The following GRIK1 variants were observed in gnomAD, a reference collection of about 807,000 sequenced individuals.
GRIK1 encodes glutamate receptor ionotropic, kainate 1.
GRIK1 carries 69 observed loss-of-function variants against 105.7 expected under a neutral mutation model. That is an observed-to-expected ratio of 0.65 (90% confidence interval 0.54 to 0.80). GRIK1 has a LOEUF of 0.80. GRIK1 is among the 30% of genes least tolerant of loss of function. The probability of loss-of-function intolerance (pLI) is 0.00; values close to 1 mark genes in which losing one functional copy is unlikely to be tolerated. For missense variants in GRIK1, 1,109 were observed against 1,167.3 expected, an observed-to-expected ratio of 0.95 and a Z score of 0.73; for synonymous variants, 438 against 431.3, an observed-to-expected ratio of 1.02 and a Z score of -0.19.
chr21:29,812,118 G>T (rs538997913), intron 1 of GRIK1, among the ~76,000 whole-genome samples: 129 of 152,184 alleles, frequency 8.5e-4, no homozygotes, highest in African/African-American at 2.5e-3. Context: ...ATATATGTAC[G>T]TGTGTATAAT....
At chr21:29,839,569 G>A (rs540218730) in intron 1 of GRIK1, among the ~76,000 whole-genome samples, 1 of 152,300 alleles carries the variant, frequency 6.6e-6, no homozygotes, top group East Asian at 1.9e-4. Flanking sequence ...TTGGTAGCAT[G>A]TGTATGACTT....
At chr21:29,655,191 A>T (rs113135187) in intron 4 of GRIK1, among the ~76,000 whole-genome samples, 7,355 of 152,296 alleles carry the variant, frequency 0.048, 268 homozygotes, top group Non-Finnish European at 0.073. Flanking sequence ...GGTGGATCAC[A>T]TGAGGTCAGG....
chr21:29,778,321 G>T (rs2066001812), intron 1 of GRIK1, among the ~76,000 whole-genome samples: 2 of 152,200 alleles, frequency 1.3e-5, no homozygotes, highest in Admixed American at 6.5e-5. Context: ...AAGCCGATTT[G>T]TTGTTTTCTC....
intron 1 of GRIK1, among the ~76,000 whole-genome samples, chr21:29,901,916 C>A (rs376089272): frequency 6.6e-6 from 1 of 151,868 alleles, no homozygotes. Flanking sequence ...ACTGGCAAAC[C>A]AATCCAGCAG....
At position 29,642,981 on chromosome 21, in the gene GRIK1, AAC is replaced by A; in HGVS notation, c.955-14_955-13del. ...AGAGCCGCTTCAGTCTGTGGAGGAAAACACACACCGCATCTTAAATTCCACTT... is the reference window on the plus strand; with the variant it reads ...AGAGCCGCTTCAGTCTGTGGAGGAAAACACACCGCATCTTAAATTCCACTT... On this transcript the variant is annotated splice_polypyrimidine_tract_variant and intron_variant, in intron 6 of 17. Coordinates refer to ENST00000327783, the MANE Select transcript of GRIK1 (RefSeq NM_001330994.2). 6.2e-7 allele frequency: 1 copy of A among 1,609,966 alleles called. No homozygotes were observed. The highest frequency in any genetic ancestry group is 8.5e-7 in the Non-Finnish European group (1 of 1,177,438).
intron 16 of GRIK1, among the ~76,000 whole-genome samples, chr21:29,539,906 G>A (rs2089941353): frequency 6.6e-6 from 1 of 151,738 alleles, no homozygotes; most frequent in Non-Finnish European, 1.5e-5. Flanking sequence ...GCTTTCATGA[G>A]AAATCATCTA....
intron 1 of GRIK1, among the ~76,000 whole-genome samples, chr21:29,765,248 A>G (rs569247510): frequency 1.3e-5 from 2 of 152,202 alleles, no homozygotes; most frequent in South Asian, 4.1e-4. Context: ...AGTGTGCAGC[A>G]TTTTTGTCCC....
intron 9 of GRIK1, among the ~76,000 whole-genome samples, chr21:29,592,360 C>T (rs935258167): frequency 1.3e-5 from 2 of 152,166 alleles, no homozygotes; most frequent in Non-Finnish European, 2.9e-5. Flanking sequence ...TTCAGTAAAG[C>T]CCATTACTCT....
chr21:29,849,390 TTGA>T lies in GRIK1; in HGVS notation c.118+89990_118+89992del, dbSNP rs766980548. Reference sequence around the variant, plus strand: ...TTTCCTCTGCTAATAGCTTCCAAGGTTGATGATGAGATAAAATCAGTCGAGCAT... The same window carrying T: ...TTTCCTCTGCTAATAGCTTCCAAGGTTGATGAGATAAAATCAGTCGAGCAT... On this transcript the variant is annotated intron_variant, in intron 1 of 17. Transcript: ENST00000327783. 5.3e-5 allele frequency among the ~76,000 whole-genome samples: 8 copies of T among 152,308 alleles called. No individual in the cohort carries two copies. In the East Asian group the frequency reaches 7.7e-4, roughly 15 times the overall value.
intron 1 of GRIK1, among the ~76,000 whole-genome samples, chr21:29,737,355 C>T (rs548674644): frequency 4.6e-5 from 7 of 152,296 alleles, no homozygotes; most frequent in African/African-American, 1.7e-4. Flanking sequence ...TGTTTCAAAG[C>T]GCTCACTTTG....
chr21:29,855,477 T>A (rs1357306587), intron 1 of GRIK1, among the ~76,000 whole-genome samples: 1 of 152,172 alleles, frequency 6.6e-6, no homozygotes, highest in East Asian at 1.9e-4. Flanking sequence ...AGGCAGCATA[T>A]AACTTGACAT....
intron 1 of GRIK1, among the ~76,000 whole-genome samples, chr21:29,765,580 A>G (rs750294125): frequency 6.6e-6 from 1 of 152,034 alleles, no homozygotes; most frequent in Non-Finnish European, 1.5e-5. Context: ...GCTTTTCCCA[A>G]TAGTTACTGA....
intron 15 of GRIK1, among the ~76,000 whole-genome samples, chr21:29,556,411 G>A (rs9680365): frequency 0.096 from 14,556 of 152,146 alleles, 1,387 homozygotes; most frequent in African/African-American, 0.25. Flanking sequence ...CTTTAATTAT[G>A]AAGAAATGAA....
chr21:29,863,480 T>C (rs539866892), intron 1 of GRIK1, among the ~76,000 whole-genome samples: 1 of 152,356 alleles, frequency 6.6e-6, no homozygotes, highest in South Asian at 2.1e-4. Flanking sequence ...CCAGCTCATC[T>C]GCTTTTAACT....
Position 29,712,083 on chromosome 21 carries a change from TACAC to T in GRIK1, c.119-18024_119-18021del, listed in dbSNP as rs56017389. On this transcript the variant is annotated intron_variant, in intron 1 of 17. Transcript: ENST00000327783. The stretch of plus-strand genomic sequence containing the variant: ...GTATATAAGTATATGTATACATACA[TACAC>T]ACACACACACACACACACACACACA... Among the ~76,000 whole-genome samples the T allele has an allele frequency of 1.4e-3, 196 of 135,358 alleles. 1 individual carries two copies. The highest frequency in any genetic ancestry group is 3.5e-3 in the African/African-American group (131 of 37,128). 88.8% of individuals were successfully genotyped at this position (135,358 alleles called of 152,430 possible).
At chr21:29,755,265 A>G (rs2065306869) in intron 1 of GRIK1, among the ~76,000 whole-genome samples, 1 of 152,200 alleles carries the variant, frequency 6.6e-6, no homozygotes, top group African/African-American at 2.4e-5. Flanking sequence ...TGATCATCCC[A>G]CACTTAGAAA....
At chr21:29,570,467 A>G (rs938552895) in intron 14 of GRIK1, among the ~76,000 whole-genome samples, 1 of 151,502 alleles carries the variant, frequency 6.6e-6, no homozygotes, top group Non-Finnish European at 1.5e-5. Context: ...GCACCATTGC[A>G]CTCCAGCATG....
chr21:29,563,333 T>G (rs576050552), intron 14 of GRIK1, among the ~76,000 whole-genome samples: 3 of 152,296 alleles, frequency 2.0e-5, no homozygotes, highest in South Asian at 4.1e-4. Flanking sequence ...ACTGTAGGGT[T>G]TATGAGTTAG....
chr21:29,570,633 A>G (rs1375636147), intron 14 of GRIK1, among the ~76,000 whole-genome samples: 1 of 152,156 alleles, frequency 6.6e-6, no homozygotes, highest in Non-Finnish European at 1.5e-5. Context: ...TTCCCAAAAC[A>G]TCTCCAACAG....
Sources: allele counts gnomAD v4.1 joint callset (sites outside exome capture counted in the v4.1 genomes callset), GRCh38; gene constraint gnomAD v4.1.1; transcripts MANE v1.5; gene names NCBI Gene and HGNC (gene_info 2026-07-23, HGNC 2026-07-21).